Variants in HSPBAP1 observed in about 807,000 individuals in gnomAD.
The protein encoded by HSPBAP1 is HSPB1 associated protein 1, also known as HSPB1-associated protein 1.
Under a neutral mutation model 45.2 loss-of-function variants are expected in HSPBAP1, and 27 were observed. That is an observed-to-expected ratio of 0.60 (90% CI 0.44 to 0.82). The LOEUF (loss-of-function observed/expected upper bound fraction) is 0.82. Ranked by LOEUF, HSPBAP1 falls within the 40% of genes least tolerant of loss-of-function variation. The pLI is 0.00. For missense variants in HSPBAP1, 510 were observed against 590.9 expected (o/e 0.86, Z 1.42); for synonymous variants, 204 against 202.7 (o/e 1.01, Z -0.06).
intron 2 of HSPBAP1, among the ~76,000 whole-genome samples, chr3:122,775,494 T>C (rs1291203775): frequency 6.6e-6 from 1 of 152,234 alleles, no homozygotes; most frequent in African/African-American, 2.4e-5. Context: ...TTTTGTACTT[T>C]TAGTAGAGAC....
chr3:122,755,222 T>TC, intron 5 of HSPBAP1, 38 bp downstream of exon 5: 1 of 1,465,630 alleles, frequency 6.8e-7, no homozygotes, highest in Non-Finnish European at 9.1e-7. Context: ...AGCTGTGGTG[T>TC]CCCCTGGCAG....
chr3:122,753,503 G>C (rs1934234669), intron 5 of HSPBAP1: 1 of 982,466 alleles, frequency 1.0e-6, no homozygotes, highest in Non-Finnish European at 1.2e-6. Context: ...ACTTGCAAAG[G>C]TCCACTTATT....
rs1159237580 is a variant in HSPBAP1 at position 122,793,696 on chromosome 3, G to T, written c.-16C>A. 1 of 1,613,128 alleles carries T rather than the reference G, an allele frequency of 6.2e-7. No homozygotes were observed. The highest frequency in any genetic ancestry group is 1.7e-5 in the Admixed American group (1 of 60,002). On this transcript the variant is annotated 5_prime_UTR_variant, in exon 1 of 8. Transcript: ENST00000306103. ...CTGCTGCCATGGCTACCGCAAGGCGGGTTCTGCCGGAACCCAAGGCGGAGC... is the reference window on the plus strand; with the variant it reads ...CTGCTGCCATGGCTACCGCAAGGCGTGTTCTGCCGGAACCCAAGGCGGAGC...
chr3:122,757,986 T>C (rs946990712), intron 4 of HSPBAP1, among the ~76,000 whole-genome samples: 2 of 152,258 alleles, frequency 1.3e-5, no homozygotes, highest in African/African-American at 4.8e-5. Flanking sequence ...ACACATTCTA[T>C]GCCCTTTAAT....
At chr3:122,752,962 A>G in intron 5 of HSPBAP1, 1 of 1,095,728 alleles carries the variant, frequency 9.1e-7, no homozygotes, top group Non-Finnish European at 1.1e-6. Flanking sequence ...TGATTCTGAG[A>G]TTCTAATTTT....
chr3:122,785,485 C>T (rs1268098271), intron 1 of HSPBAP1, among the ~76,000 whole-genome samples: 3 of 152,182 alleles, frequency 2.0e-5, no homozygotes, highest in Non-Finnish European at 4.4e-5. Flanking sequence ...CAGCAAGAAT[C>T]CTGTTAGGTT....
At chr3:122,755,021 C>A in intron 5 of HSPBAP1, 1 of 1,182,226 alleles carries the variant, frequency 8.5e-7, no homozygotes, top group Non-Finnish European at 1.0e-6. Flanking sequence ...CCATTCTCCT[C>A]TTTACCAATA....
intron 2 of HSPBAP1, 147 bp downstream of exon 2, chr3:122,777,574 C>A (rs983254463): frequency 3.2e-5 from 17 of 532,050 alleles, no homozygotes; most frequent in Non-Finnish European, 2.3e-5. Flanking sequence ...GTTTTCCAAA[C>A]CTTCCAATAA....
At chr3:122,763,480 A>G (rs7624803) in intron 3 of HSPBAP1, among the ~76,000 whole-genome samples, 28,841 of 151,956 alleles carry the variant, frequency 0.19, 2,893 homozygotes, top group African/African-American at 0.24. Flanking sequence ...TTAATACAAT[A>G]CTATTAGTAC....
chr3:122,768,196 C>T (rs1016666980), intron 3 of HSPBAP1, among the ~76,000 whole-genome samples: 12 of 152,156 alleles, frequency 7.9e-5, no homozygotes, highest in Non-Finnish European at 1.5e-4. Context: ...ACAGGGCTTC[C>T]ACTACCAAAT....
At chr3:122,776,058 A>T (rs776952780) in intron 2 of HSPBAP1, among the ~76,000 whole-genome samples, 6 of 152,258 alleles carry the variant, frequency 3.9e-5, no homozygotes, top group Non-Finnish European at 8.8e-5. Flanking sequence ...TATTCTAAGT[A>T]GTCAAATTCA....
intron 1 of HSPBAP1, among the ~76,000 whole-genome samples, chr3:122,792,813 G>A (rs1935874766): frequency 6.6e-6 from 1 of 151,802 alleles, no homozygotes; most frequent in South Asian, 2.1e-4. Flanking sequence ...GGAGGTTGCA[G>A]TGAGCCAAAA....
chr3:122,747,633 G>C (rs1372355803), intron 6 of HSPBAP1, among the ~76,000 whole-genome samples: 3 of 148,414 alleles, frequency 2.0e-5, no homozygotes, highest in Non-Finnish European at 4.5e-5. Context: ...AGGGAGGTGG[G>C]GGGGTCAGCC....
In HSPBAP1 at chr3:122,773,311, T is replaced by G. The variant is rs1212377582; in HGVS notation, c.250+4410A>C. On this transcript the variant is annotated intron_variant, in intron 2 of 7. Coordinates refer to ENST00000306103, the MANE Select transcript of HSPBAP1 (RefSeq NM_024610.6). ...AGCAATCAAATAAATGTGTTTTTTT[T>G]TTTTTTTTTTTTTTTGGAGACAGAG... is the stretch of plus-strand genomic sequence containing the variant. Among the ~76,000 whole-genome samples the G allele has an allele frequency of 3.7e-4, 52 of 142,378 alleles. 1 individual carries two copies. The highest frequency in any genetic ancestry group is 7.7e-4 in the Non-Finnish European group (50 of 64,976). The allele number at this position is 142,378 out of a possible 152,430, so 93.4% of individuals were successfully genotyped here.
At chr3:122,760,841 G>A (rs1227109331) in intron 3 of HSPBAP1, among the ~76,000 whole-genome samples, 1 of 152,150 alleles carries the variant, frequency 6.6e-6, no homozygotes, top group Non-Finnish European at 1.5e-5. Context: ...GACTTATGAT[G>A]GTTAAAATAG....
At chr3:122,775,796 G>A (rs775192367) in intron 2 of HSPBAP1, among the ~76,000 whole-genome samples, 14 of 152,090 alleles carry the variant, frequency 9.2e-5, no homozygotes, top group Non-Finnish European at 2.1e-4. Flanking sequence ...GAAAATACAT[G>A]TCCACACAAA....
chr3:122,749,793 G>A (rs1934059306), intron 6 of HSPBAP1, among the ~76,000 whole-genome samples: 1 of 151,936 alleles, frequency 6.6e-6, no homozygotes, highest in South Asian at 2.1e-4. Flanking sequence ...TATTTTTTTA[G>A]TAGAGAAGGG....
chr3:122,748,638 T>C (rs553410645), intron 6 of HSPBAP1, among the ~76,000 whole-genome samples: 3 of 152,170 alleles, frequency 2.0e-5, no homozygotes, highest in African/African-American at 7.2e-5. Flanking sequence ...ATACTACTAA[T>C]GGAAATGCAA....
chr3:122,788,741 G>C (rs1021119227), intron 1 of HSPBAP1, among the ~76,000 whole-genome samples: 9 of 152,152 alleles, frequency 5.9e-5, no homozygotes, highest in Non-Finnish European at 1.5e-5. Flanking sequence ...TATCTAAAGT[G>C]GTTAAATTTC....
Sources: gnomAD v4.1 joint callset for allele counts (sites outside exome capture counted in the v4.1 genomes callset) on GRCh38, gnomAD v4.1.1 for gene constraint, MANE v1.5 for transcripts, NCBI Gene and HGNC (gene_info 2026-07-23, HGNC 2026-07-21) for gene names.